The following RYR2 variants were observed in gnomAD, a reference collection of about 807,000 sequenced individuals.
The protein encoded by RYR2 is cardiac muscle ryanodine receptor-calcium release channel.
In RYR2, 227 loss-of-function variants were observed where a neutral mutation model predicts 601.1. The observed-to-expected ratio is 0.38, with a 90% confidence interval of 0.34 to 0.42. RYR2 has a LOEUF of 0.42. Ranked by LOEUF, RYR2 falls within the 10% of genes least tolerant of loss-of-function variation. RYR2 has a pLI of 1.00. For synonymous variants in RYR2, 2,223 were observed against 2,175.1 expected, an observed-to-expected ratio of 1.02 and a Z score of -0.61; for missense variants, 4,646 against 6,156.5, an observed-to-expected ratio of 0.75 and a Z score of 8.21.
chr1:237,685,669 C>G (rs1558217439), intron 62 of RYR2, among the ~76,000 whole-genome samples: 2 of 152,128 alleles, frequency 1.3e-5, no homozygotes, highest in Non-Finnish European at 2.9e-5. Flanking sequence ...CAGACCCTGT[C>G]TGAGTTAGCA....
intron 64 of RYR2, 50 bp downstream of exon 64, chr1:237,699,075 G>T: frequency 1.2e-6 from 1 of 849,570 alleles, no homozygotes. Flanking sequence ...AATGATACAT[G>T]TATATATATA....
At chr1:237,711,703 C>T in intron 70 of RYR2, 42 bp from the exon 71 acceptor site, 1 of 1,022,780 alleles carries the variant, frequency 9.8e-7, no homozygotes, top group Non-Finnish European at 1.5e-6. Context: ...ACAAAGACTT[C>T]TTTAAGTGGT....
At chr1:237,305,926 A>G (rs1432330132) in intron 2 of RYR2, among the ~76,000 whole-genome samples, 1 of 152,208 alleles carries the variant, frequency 6.6e-6, no homozygotes, top group African/African-American at 2.4e-5. Flanking sequence ...ATATTTTGGA[A>G]TATATGATAC....
At chr1:237,403,909 T>A (rs914377362) in intron 10 of RYR2, among the ~76,000 whole-genome samples, 3 of 152,076 alleles carry the variant, frequency 2.0e-5, no homozygotes, top group Non-Finnish European at 4.4e-5. Flanking sequence ...ACTGAGTGAA[T>A]AAAATAATGA....
rs1041904671 is a variant in RYR2, at chr1:237,223,746, G to A, written c.49-46751G>A. ...CACAGGTTTGTCCGACCAGTCTATC[G>A]GGCAGTTTACATATCAGAAATTTGA... On this transcript the variant is annotated intron_variant, in intron 1 of 104. Coordinates refer to ENST00000366574, the MANE Select transcript of RYR2 (RefSeq NM_001035.3). Among the ~76,000 whole-genome samples, 7 of 152,192 alleles carry A rather than the reference G, an allele frequency of 4.6e-5. No individual in the cohort carries two copies. The East Asian group carries it at 5.8e-4, about 13-fold the overall frequency.
chr1:237,266,948 T>C (rs898619123), intron 1 of RYR2, among the ~76,000 whole-genome samples: 44 of 152,214 alleles, frequency 2.9e-4, no homozygotes, highest in African/African-American at 1.0e-3. Flanking sequence ...TTAATGTTGC[T>C]TCATTACCAT....
At chr1:237,609,236 G>A (rs1194699526) in intron 35 of RYR2, among the ~76,000 whole-genome samples, 1 of 124,400 alleles carries the variant, frequency 8.0e-6, no homozygotes, top group Non-Finnish European at 1.8e-5. Context: ...CTTACTGACA[G>A]TCTCACTCTG....
intron 1 of RYR2, among the ~76,000 whole-genome samples, chr1:237,154,404 A>T (rs1380529611): frequency 6.6e-6 from 1 of 152,218 alleles, no homozygotes; most frequent in Non-Finnish European, 1.5e-5. Flanking sequence ...AGTGATGAAG[A>T]TATCCCTTGC....
intron 40 of RYR2, among the ~76,000 whole-genome samples, chr1:237,627,592 G>A (rs1373752214): frequency 1.3e-5 from 2 of 152,068 alleles, no homozygotes; most frequent in Non-Finnish European, 2.9e-5. Flanking sequence ...TTAAAGAAAG[G>A]TTTGTGTTTT....
intron 17 of RYR2, among the ~76,000 whole-genome samples, chr1:237,491,527 G>A (rs1663336992): frequency 6.6e-6 from 1 of 152,170 alleles, no homozygotes; most frequent in African/African-American, 2.4e-5. Context: ...GTTGCTTCGT[G>A]TACGCCCTCC....
At chr1:237,599,592 G>A (rs1393317190) in intron 34 of RYR2, among the ~76,000 whole-genome samples, 6 of 151,914 alleles carry the variant, frequency 3.9e-5, no homozygotes, top group Admixed American at 2.0e-4. Flanking sequence ...AGGCCGAGGC[G>A]GGTGGATCAT....
chr1:237,574,206 G>A (rs1035105094), intron 29 of RYR2, among the ~76,000 whole-genome samples: 2 of 152,206 alleles, frequency 1.3e-5, no homozygotes, highest in African/African-American at 4.8e-5. Flanking sequence ...CCCTTGGACT[G>A]TAATGTCACA....
At chr1:237,755,658 C>T (rs933828422) in intron 80 of RYR2, among the ~76,000 whole-genome samples, 1 of 152,166 alleles carries the variant, frequency 6.6e-6, no homozygotes, top group Non-Finnish European at 1.5e-5. Context: ...CCAGCCATTG[C>T]TCCAGCAGTA....
At chr1:237,564,248 G>A (rs371554220) in intron 27 of RYR2, among the ~76,000 whole-genome samples, 3 of 151,970 alleles carry the variant, frequency 2.0e-5, no homozygotes, top group Non-Finnish European at 4.4e-5. Flanking sequence ...GTTTAGTATT[G>A]CAGCACTGAG....
chr1:237,616,474 C>G (rs1217059904), intron 37 of RYR2, among the ~76,000 whole-genome samples: 1 of 152,184 alleles, frequency 6.6e-6, no homozygotes, highest in South Asian at 2.1e-4. Context: ...CATCCATAAC[C>G]CAGATCTTAA....
At position 237,830,397 on chromosome 1, in the gene RYR2, G is replaced by C; in HGVS notation, c.14656-133G>C. 4 of 630,374 alleles carry C rather than the reference G, an allele frequency of 6.3e-6. No individual in the cohort carries two copies. In the South Asian group the frequency reaches 7.2e-5, roughly 11 times the overall value. The allele number at this position is 630,374 out of a possible 1,614,324, so 39.0% of individuals were successfully genotyped here. On this transcript the variant is annotated intron_variant, in intron 102 of 104. Transcript: ENST00000366574. ...AGTTCCATTTATATTCGTGGGCTTGGCACAGCCTCCATGTGATGATCTTTG... is the reference window on the plus strand; with the variant it reads ...AGTTCCATTTATATTCGTGGGCTTGCCACAGCCTCCATGTGATGATCTTTG...
chr1:237,613,954 A>G (rs1473201624), intron 36 of RYR2, 85 bp from the exon 37 acceptor site: 15 of 1,272,666 alleles, frequency 1.2e-5, no homozygotes, highest in African/African-American at 1.0e-4. Context: ...CTTCAAATTT[A>G]CAGTGCATAC....
intron 71 of RYR2, among the ~76,000 whole-genome samples, chr1:237,712,814 A>AG (rs956694544): frequency 1.3e-5 from 2 of 152,194 alleles, no homozygotes; most frequent in African/African-American, 4.8e-5. Context: ...AGCATTTTAA[A>AG]GGGGCTTTAT....
At chr1:237,094,878 A>G (rs925809659) in intron 1 of RYR2, among the ~76,000 whole-genome samples, 3 of 152,200 alleles carry the variant, frequency 2.0e-5, no homozygotes, top group African/African-American at 7.2e-5. Flanking sequence ...GGTGTGAGCC[A>G]CCGCACCCGG....
Sources: allele counts gnomAD v4.1 joint callset (sites outside exome capture counted in the v4.1 genomes callset), GRCh38; gene constraint gnomAD v4.1.1; transcripts MANE v1.5; gene names NCBI Gene and HGNC (gene_info 2026-07-23, HGNC 2026-07-21).